Variants in SYNE1 observed in about 807,000 individuals in gnomAD.
SYNE1 encodes the protein nesprin-1.
In SYNE1, 616 loss-of-function variants were observed where a neutral mutation model predicts 1,111.0. That is an observed-to-expected ratio of 0.55 (90% CI 0.52 to 0.59). SYNE1 has a LOEUF of 0.59. Among genes scored for constraint, SYNE1 ranks in the 20% least tolerant of loss-of-function variants. The pLI is 0.00. For synonymous variants in SYNE1, 3,855 were observed against 3,825.8 expected (o/e 1.01, Z -0.28); for missense variants, 10,006 against 10,417.0 (o/e 0.96, Z 1.72).
intron 111 of SYNE1, among the ~76,000 whole-genome samples, chr6:152,234,322 G>A (rs186644031): frequency 1.9e-3 from 285 of 151,488 alleles, no homozygotes; most frequent in Non-Finnish European, 3.5e-3. Flanking sequence ...AGATGGAGTC[G>A]CTCGCTCTGT....
chr6:152,511,970 AT>A (rs1463866146), intron 6 of SYNE1, among the ~76,000 whole-genome samples: 1 of 152,186 alleles, frequency 6.6e-6, no homozygotes, highest in Non-Finnish European at 1.5e-5. Context: ...CCTTTTAATA[AT>A]TCCTAACAAA....
chr6:152,150,577 C>T (rs1159700529), intron 135 of SYNE1, among the ~76,000 whole-genome samples: 1 of 152,120 alleles, frequency 6.6e-6, no homozygotes, highest in Non-Finnish European at 1.5e-5. Flanking sequence ...CATAACAACC[C>T]AAAGGTTATG....
intron 115 of SYNE1, among the ~76,000 whole-genome samples, chr6:152,228,602 T>G (rs1383529504): frequency 6.6e-6 from 1 of 152,206 alleles, no homozygotes; most frequent in Non-Finnish European, 1.5e-5. Flanking sequence ...CAAATGGTAT[T>G]AATGTGGTAT....
intron 8 of SYNE1, among the ~76,000 whole-genome samples, chr6:152,508,624 A>G (rs118039806): frequency 6.6e-6 from 1 of 152,348 alleles, no homozygotes; most frequent in East Asian, 1.9e-4. Flanking sequence ...TTTAATTGCA[A>G]TAGCATCGTG....
Position 152,354,819 on chromosome 6 carries a change from G to A in SYNE1, c.10766C>T (p.Thr3589Ile), listed in dbSNP as rs201487756. The A allele has an allele frequency of 7.7e-5, 125 of 1,614,132 alleles. No individual in the cohort carries two copies. The highest frequency in any genetic ancestry group is 5.1e-4 in the South Asian group (46 of 91,082). ...CACCACGTTATTGAACTGAGTTCGAGTCTCGGACAGCCTGTGCTGGTAAGC... is the reference window on the plus strand; with the variant it reads ...CACCACGTTATTGAACTGAGTTCGAATCTCGGACAGCCTGTGCTGGTAAGC... ...WQAYQHRLSE[T>I]RTQFNNVVNK... Residue 3589 changes from threonine to isoleucine, a missense_variant, in exon 67 of 146, where the codon ACT (threonine) becomes ATT (isoleucine). Physicochemically the swap from Thr to Ile is moderately conservative, Grantham distance 89. Around this residue, in one of 7 missense-constraint regions of SYNE1, gnomAD observed 4,955 missense variants for 5,017.2 expected, o/e 0.99. Coordinates refer to ENST00000367255, the MANE Select transcript of SYNE1 (RefSeq NM_182961.4).
chr6:152,156,728 G>A (rs199655471), intron 131 of SYNE1, among the ~76,000 whole-genome samples: 5 of 152,098 alleles, frequency 3.3e-5, no homozygotes, highest in South Asian at 2.1e-4. Flanking sequence ...TTTGATCTAC[G>A]GTTGGTGGAA....
In SYNE1 at chr6:152,156,838, T is replaced by C. The variant is rs552784379; in HGVS notation, c.23791-741A>G. On this transcript the variant is annotated intron_variant, in intron 131 of 145. Coordinates refer to ENST00000367255, the MANE Select transcript of SYNE1 (RefSeq NM_182961.4). ...CTTTAAGATCCAAAGATTTACTTTTTTTTTTTTGGGATGGAGTCTCACTCT... is the reference window on the plus strand; with the variant it reads ...CTTTAAGATCCAAAGATTTACTTTTCTTTTTTTGGGATGGAGTCTCACTCT... 1.8e-3 allele frequency among the ~76,000 whole-genome samples: 270 copies of C among 152,284 alleles called. 2 individuals are homozygous for C. The highest frequency in any genetic ancestry group is 2.4e-3 in the Non-Finnish European group (160 of 68,028).
intron 11 of SYNE1, among the ~76,000 whole-genome samples, chr6:152,497,748 A>T (rs1213865516): frequency 6.6e-6 from 1 of 152,234 alleles, no homozygotes; most frequent in East Asian, 1.9e-4. Context: ...TATACTCAAC[A>T]TTCTCCTTTC....
intron 10 of SYNE1, among the ~76,000 whole-genome samples, chr6:152,501,184 T>C (rs2099027927): frequency 6.6e-6 from 1 of 152,048 alleles, no homozygotes; most frequent in Non-Finnish European, 1.5e-5. Context: ...CTAATTAATT[T>C]AAAATTCCGC....
chr6:152,578,508 C>A (rs1474868550), intron 3 of SYNE1, among the ~76,000 whole-genome samples: 1 of 152,130 alleles, frequency 6.6e-6, no homozygotes, highest in Admixed American at 6.5e-5. Context: ...GCAGGAGAAT[C>A]ACTTGAACAT....
intron 8 of SYNE1, among the ~76,000 whole-genome samples, chr6:152,507,480 T>TAC (rs997345845): frequency 6.6e-6 from 1 of 151,908 alleles, no homozygotes; most frequent in African/African-American, 2.4e-5. Flanking sequence ...CACACACACA[T>TAC]ACACACACAC....
At position 152,155,955 on chromosome 6, in the gene SYNE1, C is replaced by T. The variant is rs774319570; in HGVS notation, c.23933G>A (p.Arg7978Gln). The T allele has an allele frequency of 3.9e-5, 63 of 1,614,054 alleles. 1 individual carries two copies. Among genetic ancestry groups the T allele is most frequent in the African/African-American group, 1.1e-4 (8 of 74,918 alleles). The change falls in exon 132 of 146, where the codon CGG (arginine) becomes CAG (glutamine). Residue 7978 changes from arginine (R) to glutamine (Q), a missense_variant. Physicochemically the swap from Arg to Gln is conservative, Grantham distance 43 (BLOSUM62 1). This residue lies in a region of SYNE1 where 2,182 missense variants were observed against 2,287.8 expected (regional missense o/e 0.95). Coordinates refer to ENST00000367255, the MANE Select transcript of SYNE1 (RefSeq NM_182961.4). ...SIQQATRNLDRRWRNICAMSM... is the reference protein window; with the variant it reads ...SIQQATRNLDQRWRNICAMSM... ...CATAGCACAAATGTTTCTCCACCGC[C>T]GGTCCAGGTTTCTCGTAGCCTGCTG...
intron 52 of SYNE1, among the ~76,000 whole-genome samples, chr6:152,391,050 A>G (rs1185620214): frequency 3.3e-5 from 5 of 152,220 alleles, no homozygotes; most frequent in Admixed American, 2.0e-4. Context: ...CTTGCTGAAT[A>G]TTTACTAAAT....
At chr6:152,135,843 C>T (rs1293725483) in intron 141 of SYNE1, among the ~76,000 whole-genome samples, 1 of 152,144 alleles carries the variant, frequency 6.6e-6, no homozygotes, top group Non-Finnish European at 1.5e-5. Context: ...AATCTCCTGG[C>T]CTGGACCTAC....
chr6:152,278,903 G>A (rs2093826801), intron 97 of SYNE1, among the ~76,000 whole-genome samples: 3 of 151,944 alleles, frequency 2.0e-5, no homozygotes, highest in South Asian at 4.2e-4. Flanking sequence ...ATGTAGCTGG[G>A]ATCACAGACA....
chr6:152,351,963 A>T (rs2096748631), intron 70 of SYNE1, 64 bp downstream of exon 70: 4 of 1,478,988 alleles, frequency 2.7e-6, no homozygotes, highest in African/African-American at 1.4e-5. Context: ...AGCAAGAATC[A>T]CCTCCCTCCC....
Position 152,134,714 on chromosome 6 carries a change from T to C in SYNE1, c.25788+390A>G, listed in dbSNP as rs569177530. 5 of 219,526 alleles carry C rather than the reference T, an allele frequency of 2.3e-5. No individual in the cohort carries two copies. The East Asian group carries it at 5.2e-4, about 23-fold the overall frequency. 13.6% of individuals were successfully genotyped at this position (219,526 alleles called of 1,614,324 possible). A position where few individuals can be genotyped will look rare whatever the true frequency, so the allele number is the denominator to read the frequency against. On this transcript the variant is annotated intron_variant, in intron 142 of 145. Coordinates refer to ENST00000367255, the MANE Select transcript of SYNE1 (RefSeq NM_182961.4). ...ACGACAACAAAAACAAACAAAAGAC[T>C]TAATTGTCTCATTCTATTCTAATAT...
chr6:152,431,930 A>C (rs903819144), intron 34 of SYNE1, among the ~76,000 whole-genome samples: 5 of 152,170 alleles, frequency 3.3e-5, no homozygotes, highest in Admixed American at 3.3e-4. Context: ...AAATTCAAAA[A>C]ATATAGGTTG....
Position 152,224,515 on chromosome 6 carries a change from T to C in SYNE1, c.21501A>G (p.Gln7167=), listed in dbSNP as rs1427603497. 1.9e-6 allele frequency: 3 copies of C among 1,614,058 alleles called. No individual in the cohort carries two copies. Among genetic ancestry groups the C allele is most frequent in the East Asian group, 4.5e-5 (2 of 44,848 alleles). Residue 7167 remains glutamine, a synonymous_variant, in exon 117 of 146, where the codon CAA becomes CAG. Coordinates refer to ENST00000367255, the MANE Select transcript of SYNE1 (RefSeq NM_182961.4). Reference sequence around the variant, plus strand: ...TTACCTGAAGATTGTCCACCTGAACTTGCACAGCTTCTAAGGAGCCAGTCA... The same window carrying C: ...TTACCTGAAGATTGTCCACCTGAACCTGCACAGCTTCTAAGGAGCCAGTCA... ...RLLTGSLEAV[Q]VQVDNLQNLQ... is the part of the protein sequence containing the mutation.
Sources: gnomAD v4.1 joint callset for allele counts (sites outside exome capture counted in the v4.1 genomes callset) on GRCh38, gnomAD v4.1.1 for gene constraint, gnomAD v4.1.1 regional missense constraint, MANE v1.5 for transcripts, NCBI Gene and HGNC (gene_info 2026-07-23, HGNC 2026-07-21) for gene names.